Variants in STAB2 observed in about 807,000 individuals in gnomAD.
The protein encoded by STAB2 is stabilin-2.
In STAB2, 288 loss-of-function variants were observed where a neutral mutation model predicts 338.1. The ratio of observed to expected loss-of-function variants is 0.85; its 90% CI spans 0.77 to 0.94. The LOEUF (loss-of-function observed/expected upper bound fraction) is 0.94. Ranked by LOEUF, STAB2 falls within the 40% of genes least tolerant of loss-of-function variation. The probability of loss-of-function intolerance (pLI) is 0.00; values close to 1 mark genes in which losing one functional copy is unlikely to be tolerated. For synonymous variants in STAB2, 1,202 were observed against 1,193.3 expected (o/e 1.01, Z -0.15); for missense variants, 3,141 against 3,210.1 (o/e 0.98, Z 0.52).
chr12:103,740,580 C>A, intron 54 of STAB2, 50 bp from the exon 55 acceptor site: 1 of 1,592,228 alleles, frequency 6.3e-7, no homozygotes. Flanking sequence ...GCCCCAGAGC[C>A]CTAGTCCCTG....
At chr12:103,635,942 A>G (rs1322036559) in intron 6 of STAB2, among the ~76,000 whole-genome samples, 3 of 152,214 alleles carry the variant, frequency 2.0e-5, no homozygotes, top group Admixed American at 6.5e-5. Flanking sequence ...TTCCAGTGGT[A>G]TTCAGATCTC....
chr12:103,637,836 C>T (rs1957573639), intron 7 of STAB2, among the ~76,000 whole-genome samples, 180 bp from the exon 8 acceptor site: 1 of 152,214 alleles, frequency 6.6e-6, no homozygotes, highest in Admixed American at 6.5e-5. Context: ...AACACAATAT[C>T]TGTACAATTT....
intron 22 of STAB2, among the ~76,000 whole-genome samples, chr12:103,672,246 G>A (rs757192202): frequency 2.1e-4 from 32 of 152,284 alleles, no homozygotes; most frequent in Non-Finnish European, 3.5e-4. Context: ...CATCAGGGTC[G>A]AGGCTACTGA....
Position 103,755,443 on chromosome 12 carries a change from G to C in STAB2, c.6856G>C (p.Asp2286His). The change falls in exon 62 of 69, where the codon GAT becomes CAT. Residue 2286 changes from aspartate (D) to histidine (H), a missense_variant. Coordinates refer to ENST00000388887, the MANE Select transcript of STAB2 (RefSeq NM_017564.10). ...GPRPNKSEMW[D>H]VFCYRMKDVN... ...TAGACCCAACAAGAGTGAAATGTGG[G>C]ATGTCTTCTGCTATCGGATGAAAGG... The C allele has an allele frequency of 2.5e-6, 4 of 1,614,108 alleles. No homozygotes were observed. The highest frequency in any genetic ancestry group is 3.4e-6 in the Non-Finnish European group (4 of 1,180,006).
intron 66 of STAB2, 85 bp downstream of exon 66, chr12:103,761,495 T>TC: frequency 8.3e-7 from 1 of 1,204,966 alleles, no homozygotes; most frequent in South Asian, 1.3e-5. Flanking sequence ...AGAAGCCCTG[T>TC]CCTCCTCCCT....
intron 49 of STAB2, 82 bp from the exon 50 acceptor site, chr12:103,731,494 C>T: frequency 1.3e-6 from 2 of 1,484,674 alleles, no homozygotes; most frequent in Non-Finnish European, 1.8e-6. Context: ...GTTACCTTTA[C>T]TTTTTTTCAC....
intron 6 of STAB2, among the ~76,000 whole-genome samples, chr12:103,636,193 C>T (rs1241169114): frequency 6.9e-6 from 1 of 144,740 alleles, no homozygotes; most frequent in Non-Finnish European, 1.5e-5. Context: ...GCTATCCATC[C>T]CCCCTCCCCC....
chr12:103,712,070 A>T (rs772903571), intron 40 of STAB2, among the ~76,000 whole-genome samples: 2 of 152,366 alleles, frequency 1.3e-5, no homozygotes, highest in Middle Eastern at 6.8e-3. Flanking sequence ...AAAATAATAC[A>T]TGAAACATGG....
chr12:103,591,984 C>T (rs1268062548), intron 2 of STAB2: 4 of 151,980 alleles, frequency 2.6e-5, no homozygotes, highest in Admixed American at 6.6e-5. Flanking sequence ...AATCTTAACA[C>T]TATTATATCA....
intron 3 of STAB2, among the ~76,000 whole-genome samples, chr12:103,611,317 G>A (rs2138598518): frequency 6.6e-6 from 1 of 152,312 alleles, no homozygotes; most frequent in Admixed American, 6.5e-5. Flanking sequence ...TATTGTGTGG[G>A]AGTCTGAGTC....
chr12:103,587,278 G>A lies in STAB2; in HGVS notation c.-199G>A, dbSNP rs1956724484. ...CATTTACAGTGGCCAATTTCACCAA[G>A]ACTCCTGGATTTGCCATTTTTCCTT... On this transcript the variant is annotated 5_prime_UTR_variant, in exon 1 of 69. Transcript: ENST00000388887. 1.7e-6 allele frequency: 1 copy of A among 580,436 alleles called. No individual in the cohort carries two copies. Among genetic ancestry groups the A allele is most frequent in the South Asian group, 2.1e-5 (1 of 48,000 alleles). The allele number at this position is 580,436 out of a possible 1,614,324, so 36.0% of individuals were successfully genotyped here.
chr12:103,601,769 A>G (rs1220222514), intron 3 of STAB2, among the ~76,000 whole-genome samples: 1 of 152,252 alleles, frequency 6.6e-6, no homozygotes, highest in Non-Finnish European at 1.5e-5. Context: ...AGGAAATTAT[A>G]TAACTTACCT....
intron 25 of STAB2, 48 bp downstream of exon 25, chr12:103,677,659 GACTTTGCTT>G: frequency 1.3e-6 from 2 of 1,579,662 alleles, no homozygotes; most frequent in Non-Finnish European, 1.7e-6. Context: ...ATCCTGCAGT[GACTTTGCTT>G]TCCCCTCAGG....
chr12:103,678,885 T>C (rs1389912697), intron 25 of STAB2, among the ~76,000 whole-genome samples: 2 of 152,228 alleles, frequency 1.3e-5, no homozygotes, highest in East Asian at 3.9e-4. Flanking sequence ...CCTCTGTGGC[T>C]TTAGGCATCA....
chr12:103,635,468 G>T (rs1248640967), intron 6 of STAB2, among the ~76,000 whole-genome samples: 2 of 152,218 alleles, frequency 1.3e-5, no homozygotes, highest in Non-Finnish European at 2.9e-5. Context: ...CCAGTGCCGG[G>T]TTCCTGCAGA....
At chr12:103,643,975 C>G in intron 9 of STAB2, among the ~76,000 whole-genome samples, 1 of 87,582 alleles carries the variant, frequency 1.1e-5, no homozygotes, top group Non-Finnish European at 2.5e-5. Context: ...TGCCTGGCCG[C>G]CCCTACTGGG....
intron 39 of STAB2, among the ~76,000 whole-genome samples, chr12:103,710,906 A>G (rs1444381479): frequency 1.3e-5 from 2 of 152,326 alleles, no homozygotes; most frequent in Non-Finnish European, 2.9e-5. Flanking sequence ...ATAGGTAGGC[A>G]TCCAAGAGCA....
chr12:103,695,961 C>T (rs1473317460), intron 33 of STAB2, 117 bp downstream of exon 33: 3 of 959,718 alleles, frequency 3.1e-6, no homozygotes, highest in Non-Finnish European at 4.8e-6. Context: ...TAGCCACATA[C>T]TTGACGTAGA....
chr12:103,662,838 C>A lies in STAB2; in HGVS notation c.1870-8C>A. 6.2e-7 allele frequency: 1 copy of A among 1,611,226 alleles called. No individual in the cohort carries two copies. The highest frequency in any genetic ancestry group is 8.5e-7 in the Non-Finnish European group (1 of 1,179,144). ...TACAGAATTAGAGATGTCATTTTTT[C>A]TTTCCAGGGACAGATTCTGGCAAAT... On this transcript the variant is annotated splice_region_variant and splice_polypyrimidine_tract_variant and intron_variant, in intron 17 of 68. Coordinates refer to ENST00000388887, the MANE Select transcript of STAB2 (RefSeq NM_017564.10).
Sources: gnomAD v4.1 joint callset for allele counts (sites outside exome capture counted in the v4.1 genomes callset) on GRCh38, gnomAD v4.1.1 for gene constraint, MANE v1.5 for transcripts, NCBI Gene and HGNC (gene_info 2026-07-23, HGNC 2026-07-21) for gene names.